Variants in HMGCL observed in about 807,000 individuals in gnomAD.
HMGCL encodes hydroxymethylglutaryl-CoA lyase, mitochondrial.
In HMGCL, 26 loss-of-function variants were observed where a neutral mutation model predicts 37.3. The ratio of observed to expected loss-of-function variants is 0.70; its 90% CI spans 0.51 to 0.97. HMGCL has a LOEUF of 0.97. HMGCL is among the 50% of genes least tolerant of loss of function. The probability of loss-of-function intolerance (pLI) is 0.00; values close to 1 mark genes in which losing one functional copy is unlikely to be tolerated. For synonymous variants in HMGCL, 151 were observed against 148.0 expected (o/e 1.02, Z -0.15); for missense variants, 379 against 398.1 (o/e 0.95, Z 0.41).
At position 23,817,545 on chromosome 1, in the gene HMGCL, G is replaced by A. The variant is rs755922538; in HGVS notation, c.183C>T (p.Asp61=). The A allele has an allele frequency of 1.7e-5, 27 of 1,613,402 alleles. No individual in the cohort carries two copies. In the South Asian group the frequency reaches 2.9e-4, roughly 17 times the overall value. Reference sequence around the variant, plus strand: ...CAGAGAGTCCTGCTTCAGAAAGCATGTCTATCAGCTTGATTTTCACTGGAG... The same window carrying A: ...CAGAGAGTCCTGCTTCAGAAAGCATATCTATCAGCTTGATTTTCACTGGAG... ...VSTPVKIKLI[D]MLSEAGLSVI... Residue 61 remains aspartate, a synonymous_variant, in exon 3 of 9, where the codon GAC becomes GAT. Coordinates refer to ENST00000374490, the MANE Select transcript of HMGCL (RefSeq NM_000191.3).
At position 23,810,231 on chromosome 1, in the gene HMGCL, GT is replaced by G. The variant is rs200609846; in HGVS notation, c.561+504del. 1.2e-3 allele frequency: 212 copies of G among 182,894 alleles called. 5 individuals are homozygous for G. In the East Asian group the frequency reaches 0.024, roughly 21 times the overall value. The allele number at this position is 182,894 out of a possible 1,614,324, so 11.3% of individuals were successfully genotyped here. A position where few individuals can be genotyped will look rare whatever the true frequency, so the allele number is the denominator to read the frequency against. ...CCTGATTTCACCATTTGTAACCTGTGTGGCAAGTTATTTAGTGTCAGTTTTC... is the reference window on the plus strand; with the variant it reads ...CCTGATTTCACCATTTGTAACCTGTGGGCAAGTTATTTAGTGTCAGTTTTC... On this transcript the variant is annotated intron_variant, in intron 6 of 8. Coordinates refer to ENST00000374490, the MANE Select transcript of HMGCL (RefSeq NM_000191.3).
In HMGCL at chr1:23,825,389, C is replaced by G; in HGVS notation, c.27G>C (p.Pro9=). Residue 9 remains proline, a synonymous_variant, in exon 1 of 9, where the codon CCG becomes CCC. Transcript: ENST00000374490. Reference sequence around the variant, plus strand: ...GGGACGCCAAGCCCACCAGTCGCCGCGGAAGCGCCTTCCTCATTGCTGCCA... The same window carrying G: ...GGGACGCCAAGCCCACCAGTCGCCGGGGAAGCGCCTTCCTCATTGCTGCCA... MAAMRKAL[P]RRLVGLASLR... is the part of the protein sequence containing the mutation. 1 of 1,561,450 alleles carries G rather than the reference C, an allele frequency of 6.4e-7. No homozygotes were observed. The highest frequency in any genetic ancestry group is 8.7e-7 in the Non-Finnish European group (1 of 1,153,404).
intron 5 of HMGCL, among the ~76,000 whole-genome samples, chr1:23,811,332 A>G (rs1638516511): frequency 6.6e-6 from 1 of 152,260 alleles, no homozygotes; most frequent in South Asian, 2.1e-4. Flanking sequence ...GTTGCCTGCT[A>G]TGTGCCAGGC....
chr1:23,822,229 G>A (rs1638735017), intron 1 of HMGCL, among the ~76,000 whole-genome samples: 1 of 152,114 alleles, frequency 6.6e-6, no homozygotes, highest in African/African-American at 2.4e-5. Flanking sequence ...TTCGGGGTAT[G>A]GGCGAGATGC....
In HMGCL at chr1:23,806,503, G is replaced by T. The variant is rs914654694; in HGVS notation, c.750+1632C>A. On this transcript the variant is annotated intron_variant, in intron 7 of 8. Transcript: ENST00000374490. This position sits in a 1 kb window ranked among gnomAD's most constrained non-coding sequence, Gnocchi z 4.0. The stretch of plus-strand genomic sequence containing the variant: ...GCTCTGCGCCTGCTTTCCTGGGTGG[G>T]GCTCCCTTCCCTCCCCCTCCCTGCT... Among the ~76,000 whole-genome samples, 3 of 152,068 alleles carry T rather than the reference G, an allele frequency of 2.0e-5. No individual in the cohort carries two copies.
chr1:23,825,363 A>T lies in HMGCL; in HGVS notation c.53T>A (p.Leu18His). 6.4e-7 allele frequency: 1 copy of T among 1,559,044 alleles called. No homozygotes were observed. The highest frequency in any genetic ancestry group is 1.9e-5 in the Admixed American group (1 of 52,462). ...GCGGCTCGGGGCACTTACAGCCCGG[A>T]GGGACGCCAAGCCCACCAGTCGCCG... is the stretch of plus-strand genomic sequence containing the variant. ...LPRRLVGLAS[L>H]RAVSTSSMGT... The change falls in exon 1 of 9, where the codon CTC becomes CAC. Residue 18 changes from leucine to histidine, a missense_variant. By Grantham distance (99) the Leu-to-His change is moderately conservative (BLOSUM62 -3). Transcript: ENST00000374490.
At chr1:23,807,988 T>G in intron 7 of HMGCL, 147 bp downstream of exon 7, 1 of 706,984 alleles carries the variant, frequency 1.4e-6, no homozygotes, top group Non-Finnish European at 2.5e-6. Flanking sequence ...ACTTCACATC[T>G]GGGCAGGGTC....
intron 1 of HMGCL, 23 bp from the exon 2 acceptor site, chr1:23,820,616 A>T: frequency 6.4e-7 from 1 of 1,554,540 alleles, no homozygotes; most frequent in Non-Finnish European, 8.9e-7. Flanking sequence ...AGAGGAAACA[A>T]AAAGTATGAG....
chr1:23,804,512 ACACT>A lies in HMGCL; in HGVS notation c.760_763del (p.Val255TrpfsTer30). ...AAGTCCTGCCACAGAAGAGTCCACG[ACACT>A]CACTCCCATCTAGAAACATAAGGAT... On this transcript the variant is annotated frameshift_variant, in exon 8 of 9. Transcript: ENST00000374490. LOFTEE classifies it high-confidence loss of function. 2 of 1,614,144 alleles carry A rather than the reference ACACT, an allele frequency of 1.2e-6. No homozygotes were observed. The highest frequency in any genetic ancestry group is 1.7e-6 in the Non-Finnish European group (2 of 1,180,016).
At position 23,806,727 on chromosome 1, in the gene HMGCL, AG is replaced by A. The variant is rs1426295486; in HGVS notation, c.750+1407del. On this transcript the variant is annotated intron_variant, in intron 7 of 8. Transcript: ENST00000374490. The surrounding 1 kb of genome is among the most constrained non-coding windows in gnomAD (Gnocchi z 4.0). ...ATAGTACTAGAGTGTCAGCCTCATG[AG>A]GGCAGAGACTCTGTTTTGGTCACAG... 1 of 350,208 alleles carries A rather than the reference AG, an allele frequency of 2.9e-6. No individual in the cohort carries two copies. The highest frequency in any genetic ancestry group is 7.4e-5 in the East Asian group (1 of 13,442). 21.7% of individuals were successfully genotyped at this position (350,208 alleles called of 1,614,324 possible). A position where few individuals can be genotyped will look rare whatever the true frequency, so the allele number is the denominator to read the frequency against.
chr1:23,808,035 G>A, intron 7 of HMGCL, 100 bp downstream of exon 7: 2 of 1,122,660 alleles, frequency 1.8e-6, no homozygotes, highest in Non-Finnish European at 2.7e-6. Flanking sequence ...CTTGGAACCT[G>A]GCATACTGGC....
chr1:23,802,818 T>C (rs1323715491), intron 8 of HMGCL, among the ~76,000 whole-genome samples: 1 of 152,192 alleles, frequency 6.6e-6, no homozygotes, highest in African/African-American at 2.4e-5. Context: ...GCACAGATCT[T>C]ATCAGTCTTG....
intron 8 of HMGCL, 49 bp downstream of exon 8, chr1:23,804,351 C>T: frequency 6.2e-7 from 1 of 1,611,562 alleles, no homozygotes; most frequent in Non-Finnish European, 8.5e-7. Flanking sequence ...CAGCTTCAGG[C>T]CCCCTGGTCA....
At chr1:23,823,278 A>T (rs1049917302) in intron 1 of HMGCL, among the ~76,000 whole-genome samples, 1 of 151,834 alleles carries the variant, frequency 6.6e-6, no homozygotes, top group Non-Finnish European at 1.5e-5. Context: ...TCCCCGTAAC[A>T]GCTCTTCACA....
chr1:23,802,111 C>A lies in HMGCL; in HGVS notation c.*352G>T. 8 of 551,376 alleles carry A rather than the reference C, an allele frequency of 1.5e-5. No individual in the cohort carries two copies. Among genetic ancestry groups the A allele is most frequent in the Non-Finnish European group, 2.2e-5 (7 of 311,676 alleles). The allele number at this position is 551,376 out of a possible 1,614,324, so 34.2% of individuals were successfully genotyped here. ...CAGGGTGGAGCCGTGTAGAGGGTGG[C>A]CAGGTGGCCAGCTCGCGGATTCCAT... On this transcript the variant is annotated 3_prime_UTR_variant, in exon 9 of 9. Transcript: ENST00000374490.
chr1:23,821,236 A>G (rs1375935035), intron 1 of HMGCL, among the ~76,000 whole-genome samples: 1 of 152,166 alleles, frequency 6.6e-6, no homozygotes, highest in African/African-American at 2.4e-5. Flanking sequence ...GCACGCCTGT[A>G]ACTCCAGCTA....
intron 1 of HMGCL, among the ~76,000 whole-genome samples, chr1:23,824,999 A>C (rs1638790310): frequency 6.6e-6 from 1 of 152,220 alleles, no homozygotes; most frequent in Admixed American, 6.5e-5. Flanking sequence ...AAGGAAATGG[A>C]AGCGTGTTCT....
chr1:23,819,750 C>T (rs976346700), intron 2 of HMGCL, among the ~76,000 whole-genome samples: 5 of 151,752 alleles, frequency 3.3e-5, no homozygotes, highest in South Asian at 4.1e-4. Context: ...CACACACACA[C>T]GCGCGCGTGC....
chr1:23,805,825 G>A (rs1638398952), intron 7 of HMGCL, among the ~76,000 whole-genome samples: 1 of 152,154 alleles, frequency 6.6e-6, no homozygotes, highest in African/African-American at 2.4e-5. Context: ...GAACTGCTGA[G>A]ATCCGGTCAC....
Sources: allele counts gnomAD v4.1 joint callset (sites outside exome capture counted in the v4.1 genomes callset), GRCh38; gene constraint gnomAD v4.1.1; non-coding constraint Gnocchi (gnomAD v3.1); transcripts MANE v1.5; gene names NCBI Gene and HGNC (gene_info 2026-07-23, HGNC 2026-07-21).